ACKR3: variants seen among roughly 807,000 people sequenced by gnomAD.
ACKR3 encodes C-X-C chemokine receptor type 7.
ACKR3 carries 6 observed loss-of-function variants against 22.4 expected under a neutral mutation model. The ratio of observed to expected loss-of-function variants is 0.27; its 90% CI spans 0.15 to 0.53. The LOEUF (loss-of-function observed/expected upper bound fraction) is 0.53. ACKR3 is among the 20% of genes least tolerant of loss of function. The probability of loss-of-function intolerance (pLI) is 0.96; values close to 1 mark genes in which losing one functional copy is unlikely to be tolerated. For missense variants in ACKR3, 396 were observed against 475.2 expected (o/e 0.83, Z 1.55); for synonymous variants, 209 against 205.2 (o/e 1.02, Z -0.16).
the ACKR3 span, among the ~76,000 whole-genome samples, chr2:236,552,397 A>G: frequency 2.0e-3 from 283 of 143,192 alleles, 1 homozygote; most frequent in African/African-American, 8.0e-3. Flanking sequence ...AATCAGAACT[A>G]AGGGAAACTG....
chr2:236,548,913 TCC>T, the ACKR3 span, among the ~76,000 whole-genome samples: 1 of 152,226 alleles, frequency 6.6e-6, no homozygotes, highest in South Asian at 2.1e-4. This position sits in a 1 kb window ranked among gnomAD's most constrained non-coding sequence, Gnocchi z 4.3. Flanking sequence ...GGAGTGTCAT[TCC>T]TGATGACAAG....
At chr2:236,540,389 T>C in the ACKR3 span, among the ~76,000 whole-genome samples, 326 of 152,184 alleles carry the variant, frequency 2.1e-3, no homozygotes, top group Non-Finnish European at 3.6e-3. Context: ...TGTCTTCTTA[T>C]TGAGTTATAC....
chr2:236,572,071 C>T (rs948870964), intron 1 of ACKR3, among the ~76,000 whole-genome samples: 3 of 152,058 alleles, frequency 2.0e-5, no homozygotes, highest in Non-Finnish European at 4.4e-5. Flanking sequence ...CTCCAGGACA[C>T]GTATTTTCTG....
the ACKR3 span, among the ~76,000 whole-genome samples, chr2:236,558,076 C>G: frequency 5.9e-5 from 9 of 152,130 alleles, no homozygotes; most frequent in Non-Finnish European, 1.0e-4. Context: ...AGAACAGACA[C>G]GCTCGGGATA....
the ACKR3 span, among the ~76,000 whole-genome samples, chr2:236,539,117 T>G: frequency 6.6e-6 from 1 of 152,156 alleles, no homozygotes. Context: ...CTTTTTATTA[T>G]TGAGTAGTAT....
chr2:236,554,945 T>A, the ACKR3 span, among the ~76,000 whole-genome samples: 144 of 152,198 alleles, frequency 9.5e-4, no homozygotes, highest in African/African-American at 3.3e-3. Context: ...AGAGTAGGGG[T>A]TCACTGAATG....
chr2:236,554,992 G>A, the ACKR3 span, among the ~76,000 whole-genome samples: 10 of 152,298 alleles, frequency 6.6e-5, no homozygotes, highest in East Asian at 1.9e-4. Context: ...CCTATATTCC[G>A]TCCCCCGTCC....
upstream of ACKR3, among the ~76,000 whole-genome samples, chr2:236,563,115 A>C (rs1691105206): frequency 6.6e-6 from 1 of 152,230 alleles, no homozygotes; most frequent in South Asian, 2.1e-4. Context: ...GGTGTGAAGT[A>C]CTTCCAATTT....
At position 236,580,808 on chromosome 2, in the gene ACKR3, C is replaced by T. The variant is rs1349765188; in HGVS notation, c.343C>T (p.Leu115Phe). The T allele has an allele frequency of 1.2e-6, 2 of 1,614,092 alleles. No individual in the cohort carries two copies. The highest frequency in any genetic ancestry group is 1.3e-5 in the African/African-American group (1 of 74,936). Reference sequence around the variant, plus strand: ...GCACAACCAGTGGCCCATGGGCGAGCTCACGTGCAAAGTCACACACCTCAT... The same window carrying T: ...GCACAACCAGTGGCCCATGGGCGAGTTCACGTGCAAAGTCACACACCTCAT... ...VQHNQWPMGE[L>F]TCKVTHLIFS... The change falls in exon 2 of 2, where the codon CTC becomes TTC. Residue 115 changes from leucine to phenylalanine, a missense_variant. Transcript: ENST00000272928.
rs1197813084 is a variant in ACKR3 at position 236,581,179 on chromosome 2, C to G, written c.714C>G (p.Ala238=). ...IAVFYFLLAR[A]ISASSDQEKH... is the part of the protein sequence containing the mutation. ...TCTTCTACTTCCTGCTGGCCAGAGC[C>G]ATCTCGGCGTCCAGTGACCAGGAGA... The change falls in exon 2 of 2, where the codon GCC becomes GCG. Residue 238 remains alanine (A), a synonymous_variant. Coordinates refer to ENST00000272928, the MANE Select transcript of ACKR3 (RefSeq NM_020311.3). This position sits in a 1 kb window ranked among gnomAD's most constrained non-coding sequence, Gnocchi z 4.4. 6 of 1,613,644 alleles carry G rather than the reference C, an allele frequency of 3.7e-6. No homozygotes were observed. Among genetic ancestry groups the G allele is most frequent in the Admixed American group, 3.3e-5 (2 of 60,010 alleles).
chr2:236,568,423 T>C (rs934390842), upstream of ACKR3, among the ~76,000 whole-genome samples: 1 of 152,068 alleles, frequency 6.6e-6, no homozygotes, highest in Non-Finnish European at 1.5e-5. Context: ...TGGGTGTGGG[T>C]AGACGCAGCC....
At chr2:236,567,956 G>T, upstream of ACKR3, 1 of 153,574 alleles carries the variant, frequency 6.5e-6, no homozygotes, top group Non-Finnish European at 1.5e-5. Flanking sequence ...GTGCGGGGCT[G>T]GGTGCAGGCC....
At chr2:236,552,850 A>G in the ACKR3 span, among the ~76,000 whole-genome samples, 1 of 152,180 alleles carries the variant, frequency 6.6e-6, no homozygotes. Context: ...GGCCACTTGT[A>G]CGGGCCTCTT....
chr2:236,539,520 C>T, the ACKR3 span, among the ~76,000 whole-genome samples: 1 of 151,738 alleles, frequency 6.6e-6, no homozygotes, highest in Admixed American at 6.6e-5. Context: ...ACCATGTTGC[C>T]CTGGCTGGTC....
At chr2:236,580,376 T>G in intron 1 of ACKR3, 64 bp from the exon 2 acceptor site, 423 of 1,519,488 alleles carry the variant, frequency 2.8e-4, no homozygotes, top group Non-Finnish European at 3.4e-4. Context: ...GCCTGAAACT[T>G]GAGTTTTTCC....
At chr2:236,562,279 AT>A in the ACKR3 span, among the ~76,000 whole-genome samples, 1 of 152,326 alleles carries the variant, frequency 6.6e-6, no homozygotes, top group African/African-American at 2.4e-5. Flanking sequence ...TGTTAAACCT[AT>A]TTTGCATTTC....
At chr2:236,544,507 T>TG in the ACKR3 span, among the ~76,000 whole-genome samples, 9 of 152,038 alleles carry the variant, frequency 5.9e-5, no homozygotes, top group Non-Finnish European at 1.0e-4. The surrounding 1 kb of genome is among the most constrained non-coding windows in gnomAD (Gnocchi z 5.0). Flanking sequence ...GTGCCAGGGC[T>TG]GGGGGGCTGC....
chr2:236,548,985 C>A, the ACKR3 span, among the ~76,000 whole-genome samples: 3 of 152,046 alleles, frequency 2.0e-5, no homozygotes, highest in African/African-American at 4.8e-5. This position sits in a 1 kb window ranked among gnomAD's most constrained non-coding sequence, Gnocchi z 4.3. Flanking sequence ...ATCTTTTGGT[C>A]GAAAATTGGC....
chr2:236,544,406 G>A, the ACKR3 span, among the ~76,000 whole-genome samples: 33,972 of 152,156 alleles, frequency 0.22, 5,346 homozygotes, highest in African/African-American at 0.45. The surrounding 1 kb of genome is among the most constrained non-coding windows in gnomAD (Gnocchi z 5.0). Context: ...TCAGCTTTGC[G>A]TTGTATGCAT....
Sources: gnomAD v4.1 joint callset for allele counts (sites outside exome capture counted in the v4.1 genomes callset) on GRCh38, gnomAD v4.1.1 for gene constraint, Gnocchi (gnomAD v3.1) non-coding constraint, MANE v1.5 for transcripts, NCBI Gene and HGNC (gene_info 2026-07-23, HGNC 2026-07-21) for gene names.